The following DSG2 variants were observed in gnomAD, a reference collection of about 807,000 sequenced individuals.
DSG2 encodes desmoglein 2, also known as desmoglein-2.
DSG2 carries 45 observed loss-of-function variants against 75.6 expected under a neutral mutation model. The ratio of observed to expected loss-of-function variants is 0.60; its 90% CI spans 0.47 to 0.76. DSG2 has a LOEUF of 0.76. Among genes scored for constraint, DSG2 ranks in the 30% least tolerant of loss-of-function variants. DSG2 has a pLI of 0.00. For missense variants in DSG2, 1,267 were observed against 1,357.4 expected (o/e 0.93, Z 1.05); for synonymous variants, 429 against 483.9 (o/e 0.89, Z 1.49).
Position 31,538,984 on chromosome 18 carries a change from T to C in DSG2, c.1879+6T>C, listed in dbSNP as rs1303282106. On this transcript the variant is annotated splice_donor_region_variant and intron_variant, in intron 12 of 14. Transcript: ENST00000261590. ...GGCCTTTCTGCTCCTGCTATGTAAG[T>C]CTTTAAAAGCCACTCTGTTGTGCTT... The C allele has an allele frequency of 1.9e-6, 3 of 1,612,420 alleles. No homozygotes were observed. The highest frequency in any genetic ancestry group is 2.5e-6 in the Non-Finnish European group (3 of 1,179,856).
At position 31,525,765 on chromosome 18, in the gene DSG2, C is replaced by T. The variant is rs981793340; in HGVS notation, c.1014+877C>T. ...AGTATGAGGCTCACATTTGGAAATA[C>T]AGTATACTAAGTTCTTGTGCTTAAT... On this transcript the variant is annotated intron_variant, in intron 8 of 14. Transcript: ENST00000261590. 5.9e-5 allele frequency among the ~76,000 whole-genome samples: 9 copies of T among 152,130 alleles called. No individual in the cohort carries two copies. The South Asian group carries it at 1.2e-3, about 21-fold the overall frequency.
intron 8 of DSG2, among the ~76,000 whole-genome samples, chr18:31,527,337 C>T (rs539049864): frequency 4.6e-5 from 7 of 152,196 alleles, no homozygotes; most frequent in African/African-American, 1.7e-4. Context: ...GATGTTTGCA[C>T]CTCAACAAAA....
intron 4 of DSG2, 50 bp from the exon 5 acceptor site, chr18:31,521,049 A>G (rs772969501): frequency 6.2e-7 from 1 of 1,611,418 alleles, no homozygotes; most frequent in Non-Finnish European, 8.5e-7. Context: ...ATAGTATGGT[A>G]ATTTAGTTTT....
intron 1 of DSG2, among the ~76,000 whole-genome samples, chr18:31,510,313 A>G (rs2073059690): frequency 6.6e-6 from 1 of 152,238 alleles, no homozygotes; most frequent in South Asian, 2.1e-4. Context: ...TCCATTTTTA[A>G]TAAGGTATCT....
Position 31,526,270 on chromosome 18 carries a change from G to A in DSG2, c.1014+1382G>A, listed in dbSNP as rs182886800. ...TACTATTTCATTAAATTACACATAG[G>A]CAAAAATTGATTCCAGAAGTTTCGA... is the stretch of plus-strand genomic sequence containing the variant. On this transcript the variant is annotated intron_variant, in intron 8 of 14. Transcript: ENST00000261590. Among the ~76,000 whole-genome samples the A allele has an allele frequency of 5.0e-3, 758 of 152,200 alleles. 3 individuals carry two copies. Among genetic ancestry groups the A allele is most frequent in the Non-Finnish European group, 7.7e-3 (525 of 68,020 alleles).
At chr18:31,535,591 C>T (rs1456074489) in intron 10 of DSG2, among the ~76,000 whole-genome samples, 179 bp downstream of exon 10, 1 of 151,918 alleles carries the variant, frequency 6.6e-6, no homozygotes, top group African/African-American at 2.4e-5. Flanking sequence ...GTCAAGAGAT[C>T]GAGACCATTC....
At chr18:31,544,961 T>G (rs2073295076) in intron 14 of DSG2, among the ~76,000 whole-genome samples, 1 of 152,198 alleles carries the variant, frequency 6.6e-6, no homozygotes, top group Non-Finnish European at 1.5e-5. Context: ...CTTTCCCACT[T>G]TCTGCTCCTT....
chr18:31,534,658 G>T (rs4470222), intron 9 of DSG2, among the ~76,000 whole-genome samples: 1 of 151,562 alleles, frequency 6.6e-6, no homozygotes, highest in Admixed American at 6.6e-5. Context: ...TTACAGGCAC[G>T]TGCCACCATG....
rs2072993820 is a variant in DSG2, at chr18:31,498,242, C to T, written c.-10C>T. Reference sequence around the variant, plus strand: ...GCGGTGCGGCGGCGGGAGGCGGAGGCGAGGGTGCGATGGCGCGGAGCCCGG... The same window carrying T: ...GCGGTGCGGCGGCGGGAGGCGGAGGTGAGGGTGCGATGGCGCGGAGCCCGG... On this transcript the variant is annotated 5_prime_UTR_variant, in exon 1 of 15. Coordinates refer to ENST00000261590, the MANE Select transcript of DSG2 (RefSeq NM_001943.5). 8.0e-7 allele frequency: 1 copy of T among 1,255,502 alleles called. No individual in the cohort carries two copies. The allele number at this position is 1,255,502 out of a possible 1,614,324, so 77.8% of individuals were successfully genotyped here. A position where few individuals can be genotyped will look rare whatever the true frequency, so the allele number is the denominator to read the frequency against.
chr18:31,547,244 ATAACTT>A lies in DSG2; in HGVS notation c.*502_*507del, dbSNP rs2073319541. Reference sequence around the variant, plus strand: ...AGTCTGAGCACCAGCTATGGTGCTCATAACTTCTTTAAGACTTGAACCCTTTCAATC... The same window carrying A: ...AGTCTGAGCACCAGCTATGGTGCTCACTTTAAGACTTGAACCCTTTCAATC... On this transcript the variant is annotated 3_prime_UTR_variant, in exon 15 of 15. Transcript: ENST00000261590. 4.4e-6 allele frequency: 1 copy of A among 227,264 alleles called. No homozygotes were observed. Among genetic ancestry groups the A allele is most frequent in the Non-Finnish European group, 8.7e-6 (1 of 114,622 alleles). The allele number at this position is 227,264 out of a possible 1,614,324, so 14.1% of individuals were successfully genotyped here. A position where few individuals can be genotyped will look rare whatever the true frequency, so the allele number is the denominator to read the frequency against.
chr18:31,546,285 G>T lies in DSG2; in HGVS notation c.2899G>T (p.Val967Leu). The change falls in exon 15 of 15, where the codon GTG becomes TTG. Residue 967 changes from valine to leucine, a missense_variant. Transcript: ENST00000261590. ...QPQSLIVTER[V>L]YAPASTLVDQ... ...ACAGAGCCTTATTGTGACAGAGAGG[G>T]TGTATGCTCCAGCTTCTACCTTGGT... 2 of 1,602,496 alleles carry T rather than the reference G, an allele frequency of 1.2e-6. No individual in the cohort carries two copies. The highest frequency in any genetic ancestry group is 1.7e-6 in the Non-Finnish European group (2 of 1,173,366).
At chr18:31,518,891 A>C (rs2073110419) in intron 2 of DSG2, among the ~76,000 whole-genome samples, 1 of 152,200 alleles carries the variant, frequency 6.6e-6, no homozygotes, top group Admixed American at 6.5e-5. Flanking sequence ...CCCTTGGATA[A>C]AATATATATT....
chr18:31,510,773 A>G (rs2073062251), intron 1 of DSG2, among the ~76,000 whole-genome samples: 1 of 152,194 alleles, frequency 6.6e-6, no homozygotes, highest in Non-Finnish European at 1.5e-5. Flanking sequence ...ATCTGAAAAC[A>G]CTGCTTTGGA....
chr18:31,512,387 A>G (rs934758166), intron 1 of DSG2, among the ~76,000 whole-genome samples: 2 of 152,140 alleles, frequency 1.3e-5, no homozygotes, highest in South Asian at 2.1e-4. Flanking sequence ...ACTTTCTTTC[A>G]TCTTTACTGC....
intron 1 of DSG2, among the ~76,000 whole-genome samples, chr18:31,499,530 C>G (rs941146967): frequency 2.6e-5 from 4 of 152,166 alleles, no homozygotes; most frequent in Non-Finnish European, 4.4e-5. Flanking sequence ...TTCCCCGTGT[C>G]CTTGAGGTAA....
chr18:31,512,983 A>G (rs950138169), intron 1 of DSG2, among the ~76,000 whole-genome samples: 11 of 152,234 alleles, frequency 7.2e-5, no homozygotes, highest in Admixed American at 5.2e-4. Context: ...TGCAAAACTT[A>G]GAATTGAGGA....
intron 14 of DSG2, among the ~76,000 whole-genome samples, chr18:31,544,712 A>G (rs2073293180): frequency 6.6e-6 from 1 of 152,194 alleles, no homozygotes; most frequent in East Asian, 1.9e-4. Context: ...CAAACTATGG[A>G]TGTTAGAAAT....
intron 1 of DSG2, 109 bp downstream of exon 1, chr18:31,498,405 C>A: frequency 8.7e-7 from 1 of 1,156,032 alleles, no homozygotes; most frequent in Non-Finnish European, 1.1e-6. Context: ...CGTTACCTGC[C>A]CGGCGCTCCT....
Position 31,519,804 on chromosome 18 carries a change from T to C in DSG2, c.83T>C (p.Val28Ala), listed in dbSNP as rs2073116527. The change falls in exon 3 of 15, where the codon GTC becomes GCC. Residue 28 changes from valine to alanine, a missense_variant and splice_region_variant. By Grantham distance (64) the Val-to-Ala change is moderately conservative. Coordinates refer to ENST00000261590, the MANE Select transcript of DSG2 (RefSeq NM_001943.5). ...FNVGSGLHLQ[V>A]LSTRNENKLL... ...TTTGGCAATATTCTATTGTTATAGG[T>C]CTTAAGCACAAGAAATGAAAATAAG... The C allele has an allele frequency of 1.2e-6, 2 of 1,614,004 alleles. No homozygotes were observed. Among genetic ancestry groups the C allele is most frequent in the African/African-American group, 1.3e-5 (1 of 74,934 alleles).
Sources: allele counts gnomAD v4.1 joint callset (sites outside exome capture counted in the v4.1 genomes callset), GRCh38; gene constraint gnomAD v4.1.1; transcripts MANE v1.5; gene names NCBI Gene and HGNC (gene_info 2026-07-23, HGNC 2026-07-21).